Variants in PITPNC1 observed in about 807,000 individuals in gnomAD.
PITPNC1 encodes the protein phosphatidylinositol transfer protein cytoplasmic 1, also known as cytoplasmic phosphatidylinositol transfer protein 1.
Under a neutral mutation model 44.7 loss-of-function variants are expected in PITPNC1, and 18 were observed. The ratio of observed to expected loss-of-function variants is 0.40; its 90% CI spans 0.28 to 0.60. The LOEUF (loss-of-function observed/expected upper bound fraction) is 0.60. Among genes scored for constraint, PITPNC1 ranks in the 20% least tolerant of loss-of-function variants. PITPNC1 has a pLI of 0.39. For missense variants in PITPNC1, 290 were observed against 418.4 expected (o/e 0.69, Z 2.68); for synonymous variants, 141 against 149.6 (o/e 0.94, Z 0.42).
In PITPNC1 at chr17:67,529,267, G is replaced by C. The variant is rs572901917; in HGVS notation, c.49-3535G>C. Among the ~76,000 whole-genome samples the C allele has an allele frequency of 9.2e-5, 14 of 152,292 alleles. No homozygotes were observed. The East Asian group carries it at 2.7e-3, about 29-fold the overall frequency. ...CCCAGCCAGGGCTGACTGGCGTCTG[G>C]CTAATGGCTTTTCTGTGTCATGCAC... On this transcript the variant is annotated intron_variant, in intron 1 of 8. Coordinates refer to ENST00000581322, the MANE Select transcript of PITPNC1 (RefSeq NM_012417.4).
intron 5 of PITPNC1, among the ~76,000 whole-genome samples, chr17:67,614,629 C>T (rs2041733547): frequency 6.6e-6 from 1 of 150,394 alleles, no homozygotes; most frequent in Admixed American, 6.6e-5. Context: ...CTGAGATTGC[C>T]CCACTGCACT....
At position 67,575,982 on chromosome 17, in the gene PITPNC1, T is replaced by C. The variant is rs146665736; in HGVS notation, c.295-2204T>C. On this transcript the variant is annotated intron_variant, in intron 4 of 8. Coordinates refer to ENST00000581322, the MANE Select transcript of PITPNC1 (RefSeq NM_012417.4). The stretch of plus-strand genomic sequence containing the variant: ...ACCTCCACGTCCCAGGTTCAAGCGA[T>C]TCTCGTGCCTCAGCCTCCCAAGTAG... 4.7e-4 allele frequency among the ~76,000 whole-genome samples: 69 copies of C among 148,266 alleles called. No individual in the cohort carries two copies. The East Asian group carries it at 0.014, about 30-fold the overall frequency.
At chr17:67,598,370 G>A (rs888689075) in intron 5 of PITPNC1, among the ~76,000 whole-genome samples, 6 of 152,350 alleles carry the variant, frequency 3.9e-5, no homozygotes, top group South Asian at 4.1e-4. Flanking sequence ...ATGGGTGTTC[G>A]TGCTACCAAC....
chr17:67,474,129 C>A (rs570903175), intron 1 of PITPNC1, among the ~76,000 whole-genome samples: 2 of 151,900 alleles, frequency 1.3e-5, no homozygotes, highest in Non-Finnish European at 2.9e-5. Context: ...GAGGAATGGG[C>A]GGTGGATGGA....
chr17:67,594,163 C>A lies in PITPNC1; in HGVS notation c.366+15906C>A, dbSNP rs565903820. On this transcript the variant is annotated intron_variant, in intron 5 of 8. Coordinates refer to ENST00000581322, the MANE Select transcript of PITPNC1 (RefSeq NM_012417.4). ...AAATAGGGTCCAAAGCAGGGCTCTGCAGCCAAGTGATAACGGGACTTCGCT... is the reference window on the plus strand; with the variant it reads ...AAATAGGGTCCAAAGCAGGGCTCTGAAGCCAAGTGATAACGGGACTTCGCT... 4.6e-5 allele frequency among the ~76,000 whole-genome samples: 7 copies of A among 152,344 alleles called. No individual in the cohort carries two copies. In the South Asian group the frequency reaches 1.5e-3, roughly 32 times the overall value.
At chr17:67,549,606 A>C (rs2040730748) in intron 2 of PITPNC1, among the ~76,000 whole-genome samples, 1 of 152,188 alleles carries the variant, frequency 6.6e-6, no homozygotes, top group Non-Finnish European at 1.5e-5. Context: ...CCTCCCTTCC[A>C]GAAAATGACT....
At chr17:67,550,784 G>A (rs941371147) in intron 2 of PITPNC1, among the ~76,000 whole-genome samples, 2 of 152,148 alleles carry the variant, frequency 1.3e-5, no homozygotes, top group Non-Finnish European at 2.9e-5. Flanking sequence ...ATCATGGGCC[G>A]GGCGCAGTCG....
chr17:67,582,975 G>C (rs2041255564), intron 5 of PITPNC1, among the ~76,000 whole-genome samples: 1 of 152,176 alleles, frequency 6.6e-6, no homozygotes, highest in South Asian at 2.1e-4. Flanking sequence ...TCCAAACAAA[G>C]CAGGCACCAT....
At chr17:67,540,447 G>A (rs1325611539) in intron 2 of PITPNC1, among the ~76,000 whole-genome samples, 2 of 152,030 alleles carry the variant, frequency 1.3e-5, no homozygotes, top group African/African-American at 4.8e-5. Flanking sequence ...CAAATATGGG[G>A]AAATGTTAGT....
At chr17:67,537,922 A>C (rs2040551950) in intron 2 of PITPNC1, among the ~76,000 whole-genome samples, 2 of 151,986 alleles carry the variant, frequency 1.3e-5, no homozygotes, top group Admixed American at 1.3e-4. Flanking sequence ...CAGTGACCCA[A>C]GATCGCGCCA....
chr17:67,385,591 G>T (rs558181854), intron 1 of PITPNC1, among the ~76,000 whole-genome samples: 1 of 151,238 alleles, frequency 6.6e-6, no homozygotes, highest in Non-Finnish European at 1.5e-5. Flanking sequence ...TCTTTGGTCC[G>T]CACCACCTTT....
chr17:67,671,785 G>A (rs751309840), intron 7 of PITPNC1, among the ~76,000 whole-genome samples: 6 of 152,126 alleles, frequency 3.9e-5, no homozygotes, highest in Non-Finnish European at 8.8e-5. Flanking sequence ...GAAAGCAATT[G>A]CAGCTCCCAA....
At chr17:67,483,713 C>G (rs982822896) in intron 1 of PITPNC1, among the ~76,000 whole-genome samples, 1 of 152,168 alleles carries the variant, frequency 6.6e-6, no homozygotes, top group African/African-American at 2.4e-5. Flanking sequence ...TACTGAAGTA[C>G]CAATAACTTG....
intron 1 of PITPNC1, among the ~76,000 whole-genome samples, chr17:67,381,781 A>G (rs2037964388): frequency 6.6e-6 from 1 of 152,202 alleles, no homozygotes; most frequent in Non-Finnish European, 1.5e-5. Context: ...ACCAGAGTTC[A>G]TTGGTAGCAG....
At chr17:67,669,965 C>T (rs892837311) in intron 7 of PITPNC1, among the ~76,000 whole-genome samples, 5 of 151,934 alleles carry the variant, frequency 3.3e-5, no homozygotes, top group African/African-American at 1.2e-4. Flanking sequence ...CCCAGCTACT[C>T]AGGAGGCTGA....
chr17:67,526,115 G>T (rs2040388725), intron 1 of PITPNC1, among the ~76,000 whole-genome samples: 1 of 152,046 alleles, frequency 6.6e-6, no homozygotes, highest in African/African-American at 2.4e-5. Flanking sequence ...GTTTGGAAAT[G>T]GTATTGGGAC....
chr17:67,602,197 G>T (rs564993726), intron 5 of PITPNC1, among the ~76,000 whole-genome samples: 2 of 152,308 alleles, frequency 1.3e-5, no homozygotes, highest in African/African-American at 4.8e-5. Flanking sequence ...TTCAGGGTAG[G>T]TTCAGCAAAG....
chr17:67,536,292 G>GC (rs943961588), intron 2 of PITPNC1, among the ~76,000 whole-genome samples: 38 of 152,192 alleles, frequency 2.5e-4, no homozygotes, highest in African/African-American at 8.9e-4. Context: ...TTTTGAGACA[G>GC]CCAGCTCCGT....
chr17:67,674,030 A>T (rs1235235105), intron 7 of PITPNC1, among the ~76,000 whole-genome samples: 2 of 151,692 alleles, frequency 1.3e-5, no homozygotes, highest in Non-Finnish European at 2.9e-5. Flanking sequence ...TTTTTAAATA[A>T]TTTTTTGTGG....
Sources: allele counts gnomAD v4.1 joint callset (sites outside exome capture counted in the v4.1 genomes callset), GRCh38; gene constraint gnomAD v4.1.1; transcripts MANE v1.5; gene names NCBI Gene and HGNC (gene_info 2026-07-23, HGNC 2026-07-21).